Variants in CPM observed in about 807,000 individuals in gnomAD.
The protein encoded by CPM is carboxypeptidase M.
CPM carries 35 observed loss-of-function variants against 46.4 expected under a neutral mutation model. That is an observed-to-expected ratio of 0.75 (90% CI 0.58 to 1.00). CPM has a LOEUF of 1.00. CPM is among the 50% of genes least tolerant of loss of function. The pLI, the probability that CPM is intolerant of heterozygous loss-of-function variation, is 0.00. For missense variants in CPM, 422 were observed against 530.4 expected (o/e 0.80, Z 2.01); for synonymous variants, 195 against 195.3 (o/e 1.00, Z 0.01).
intron 3 of CPM, among the ~76,000 whole-genome samples, chr12:68,881,575 A>G (rs978348685): frequency 1.7e-4 from 9 of 53,312 alleles, no homozygotes; most frequent in African/African-American, 3.0e-4. Flanking sequence ...TGCAAATAGC[A>G]TATCTCTTTT....
At position 68,853,109 on chromosome 12, in the gene CPM, T is replaced by C. The variant is rs1884799709; in HGVS notation, c.*3328A>G. ...TTTAAATGATTTTGAGTCTGATAGATAACTAAATTCTGATTTTAAAAACTA... is the reference window on the plus strand; with the variant it reads ...TTTAAATGATTTTGAGTCTGATAGACAACTAAATTCTGATTTTAAAAACTA... On this transcript the variant is annotated 3_prime_UTR_variant, in exon 9 of 9. Coordinates refer to ENST00000551568, the MANE Select transcript of CPM (RefSeq NM_198320.5). 6.6e-6 allele frequency: 1 copy of C among 152,180 alleles called. No homozygotes were observed. The highest frequency in any genetic ancestry group is 2.1e-4 in the South Asian group (1 of 4,836). 9.4% of individuals were successfully genotyped at this position (152,180 alleles called of 1,614,324 possible).
intron 2 of CPM, among the ~76,000 whole-genome samples, chr12:68,894,000 G>A (rs1357446913): frequency 6.6e-6 from 1 of 152,154 alleles, no homozygotes; most frequent in Non-Finnish European, 1.5e-5. Context: ...ATGGCACTCT[G>A]AGGGTAGGGT....
At chr12:68,901,487 CA>C (rs1446794242) in intron 2 of CPM, among the ~76,000 whole-genome samples, 2 of 152,158 alleles carry the variant, frequency 1.3e-5, no homozygotes, top group African/African-American at 4.8e-5. Flanking sequence ...GTAAACTCTC[CA>C]AAACCTGGTC....
chr12:68,933,931 A>T (rs1888617272), upstream of CPM, among the ~76,000 whole-genome samples: 1 of 152,200 alleles, frequency 6.6e-6, no homozygotes, highest in South Asian at 2.1e-4. Context: ...GTCTTAGGCC[A>T]ATTACAGGTC....
At chr12:68,931,763 A>AAAAAGAAAGAAAGAAAG (rs1482981614) in intron 2 of CPM, among the ~76,000 whole-genome samples, 2 of 132,540 alleles carry the variant, frequency 1.5e-5, no homozygotes, top group African/African-American at 6.1e-5. Flanking sequence ...AAAAAAAAAA[A>AAAAAGAAAGAAAGAAAG]AAAGAAAGAA....
intron 2 of CPM, among the ~76,000 whole-genome samples, chr12:68,919,482 T>C (rs1222755454): frequency 6.6e-6 from 1 of 152,234 alleles, no homozygotes; most frequent in African/African-American, 2.4e-5. Flanking sequence ...GACTGGGATT[T>C]ACTTCCAAGC....
In CPM at chr12:68,909,091, C is replaced by G. The variant is rs549436155; in HGVS notation, c.161-23202G>C. The stretch of plus-strand genomic sequence containing the variant: ...TAATTATTAAGTAGAGATAGGTTCT[C>G]GCTCTGTCACCCAGGCTATAGTTCA... On this transcript the variant is annotated intron_variant, in intron 2 of 8. Transcript: ENST00000551568. Among the ~76,000 whole-genome samples the G allele has an allele frequency of 8.5e-4, 129 of 152,312 alleles. 1 individual carries two copies. The highest frequency in any genetic ancestry group is 2.7e-3 in the African/African-American group (112 of 41,564).
intron 2 of CPM, among the ~76,000 whole-genome samples, chr12:68,896,085 C>G (rs565423937): frequency 6.6e-5 from 10 of 152,318 alleles, no homozygotes; most frequent in Non-Finnish European, 1.2e-4. Context: ...ACACCAGGCC[C>G]TAGCCATTCT....
rs368588054 is a variant in CPM, at chr12:68,909,873, A to T, written c.160+22805T>A. On this transcript the variant is annotated intron_variant, in intron 2 of 8. Transcript: ENST00000551568. Reference sequence around the variant, plus strand: ...CTACGGGAGGGATAACATTAGGAGAAATACCTAATGTAGGTGACGGGTTGA... The same window carrying T: ...CTACGGGAGGGATAACATTAGGAGATATACCTAATGTAGGTGACGGGTTGA... Among the ~76,000 whole-genome samples, 606 of 151,860 alleles carry T rather than the reference A, an allele frequency of 4.0e-3. 4 individuals are homozygous for T. Among genetic ancestry groups the T allele is most frequent in the East Asian group, 0.011 (56 of 5,154 alleles).
chr12:68,867,127 G>T, intron 6 of CPM, 79 bp from the exon 7 acceptor site: 3 of 1,353,004 alleles, frequency 2.2e-6, no homozygotes, highest in African/African-American at 1.4e-5. Flanking sequence ...GGGGACAAAT[G>T]AATCAGACAG....
chr12:68,922,598 A>G (rs1888081997), intron 2 of CPM, among the ~76,000 whole-genome samples: 1 of 148,524 alleles, frequency 6.7e-6, no homozygotes, highest in Non-Finnish European at 1.5e-5. Flanking sequence ...CTCCAAGGCA[A>G]TTTGTTTGAA....
chr12:68,879,491 G>A (rs1021396062), intron 3 of CPM, among the ~76,000 whole-genome samples: 5 of 152,070 alleles, frequency 3.3e-5, no homozygotes, highest in Admixed American at 6.5e-5. Context: ...AGCCTCCTGA[G>A]TAGCTGGGAC....
At chr12:68,927,392 C>T (rs1441689088) in intron 2 of CPM, among the ~76,000 whole-genome samples, 2 of 152,038 alleles carry the variant, frequency 1.3e-5, no homozygotes, top group Non-Finnish European at 2.9e-5. Flanking sequence ...ATGTCCTTCA[C>T]CCACTTCTCG....
chr12:68,955,228 A>G (rs1358467298), intron 1 of CPM, among the ~76,000 whole-genome samples: 2 of 152,188 alleles, frequency 1.3e-5, no homozygotes, highest in Non-Finnish European at 2.9e-5. Context: ...TGACACCCCT[A>G]AGGATCCCAG....
chr12:68,953,913 C>T (rs1417023894), intron 1 of CPM, among the ~76,000 whole-genome samples: 1 of 152,214 alleles, frequency 6.6e-6, no homozygotes, highest in Admixed American at 6.5e-5. Context: ...CCACAGAAGT[C>T]GTTGCTGTGT....
At chr12:68,923,794 T>C (rs2136310778) in intron 2 of CPM, among the ~76,000 whole-genome samples, 1 of 152,326 alleles carries the variant, frequency 6.6e-6, no homozygotes, top group Admixed American at 6.5e-5. Flanking sequence ...GTTTGGCTCT[T>C]TGTTCACTGT....
chr12:68,852,649 T>A lies in CPM; in HGVS notation c.*3788A>T, dbSNP rs1206922619. 1 of 152,084 alleles carries A rather than the reference T, an allele frequency of 6.6e-6. No homozygotes were observed. The highest frequency in any genetic ancestry group is 1.5e-5 in the Non-Finnish European group (1 of 68,070). The allele number at this position is 152,084 out of a possible 1,614,324, so 9.4% of individuals were successfully genotyped here. A position where few individuals can be genotyped will look rare whatever the true frequency, so the allele number is the denominator to read the frequency against. ...TTGGCTCACTGCAACCTCTGCCTTCTGGGTTCAGGCGATTTCTCCTGCCTC... is the reference window on the plus strand; with the variant it reads ...TTGGCTCACTGCAACCTCTGCCTTCAGGGTTCAGGCGATTTCTCCTGCCTC... On this transcript the variant is annotated 3_prime_UTR_variant, in exon 9 of 9. Coordinates refer to ENST00000551568, the MANE Select transcript of CPM (RefSeq NM_198320.5).
chr12:68,931,094 A>T (rs1468685779), intron 2 of CPM, among the ~76,000 whole-genome samples: 2 of 152,224 alleles, frequency 1.3e-5, no homozygotes, highest in African/African-American at 4.8e-5. Context: ...TGGATTATAG[A>T]GCAATATAGA....
At position 68,856,096 on chromosome 12, in the gene CPM, G is replaced by C; in HGVS notation, c.*341C>G. On this transcript the variant is annotated 3_prime_UTR_variant, in exon 9 of 9. Coordinates refer to ENST00000551568, the MANE Select transcript of CPM (RefSeq NM_198320.5). ...TCATCTTCATTGCTTATATTCATCC[G>C]GTTCTCTGTATACAAAATGATCTTC... 1 of 247,018 alleles carries C rather than the reference G, an allele frequency of 4.0e-6. No individual in the cohort carries two copies. Among genetic ancestry groups the C allele is most frequent in the East Asian group, 8.9e-5 (1 of 11,204 alleles). The allele number at this position is 247,018 out of a possible 1,614,324, so 15.3% of individuals were successfully genotyped here.
Sources: gnomAD v4.1 joint callset for allele counts (sites outside exome capture counted in the v4.1 genomes callset) on GRCh38, gnomAD v4.1.1 for gene constraint, MANE v1.5 for transcripts, NCBI Gene and HGNC (gene_info 2026-07-23, HGNC 2026-07-21) for gene names.